GSAP: variants seen among roughly 807,000 people sequenced by gnomAD.
GSAP encodes gamma-secretase activating protein.
Under a neutral mutation model 131.7 loss-of-function variants are expected in GSAP, and 118 were observed. The observed-to-expected ratio is 0.90, with a 90% CI of 0.77 to 1.04. The LOEUF is 1.04. Among genes scored for constraint, GSAP ranks in the 50% least tolerant of loss-of-function variants. GSAP has a pLI of 0.00. For synonymous variants in GSAP, 381 were observed against 363.4 expected, an observed-to-expected ratio of 1.05 and a Z score of -0.55; for missense variants, 1,019 against 1,013.2, an observed-to-expected ratio of 1.01 and a Z score of -0.08.
intron 5 of GSAP, 60 bp from the exon 6 acceptor site, chr7:77,387,508 A>C: frequency 1.1e-6 from 1 of 910,614 alleles, no homozygotes; most frequent in South Asian, 1.3e-5. Flanking sequence ...TATTTTTTCC[A>C]AAGCAAGGAG....
At chr7:77,406,760 G>A (rs1802338208) in intron 1 of GSAP, among the ~76,000 whole-genome samples, 1 of 152,174 alleles carries the variant, frequency 6.6e-6, no homozygotes, top group South Asian at 2.1e-4. Flanking sequence ...CTTCACTATC[G>A]AGGGACCCTC....
At chr7:77,333,604 T>C (rs773633783) in intron 19 of GSAP, among the ~76,000 whole-genome samples, 1 of 152,170 alleles carries the variant, frequency 6.6e-6, no homozygotes, top group Non-Finnish European at 1.5e-5. Flanking sequence ...AACACTTTAC[T>C]CAGTCTATAC....
intron 26 of GSAP, chr7:77,315,569 C>T (rs1794880228): frequency 6.6e-6 from 1 of 152,134 alleles, no homozygotes; most frequent in Non-Finnish European, 1.5e-5. Flanking sequence ...CCAAGATTCA[C>T]AGGAGCTAGG....
At chr7:77,360,158 C>T (rs1427785409) in intron 14 of GSAP, among the ~76,000 whole-genome samples, 2 of 152,206 alleles carry the variant, frequency 1.3e-5, no homozygotes, top group African/African-American at 4.8e-5. Flanking sequence ...AAACCTGAAA[C>T]TCCTTTTTTA....
chr7:77,375,154 T>C (rs1461285811), intron 10 of GSAP, 53 bp from the exon 11 acceptor site: 2 of 1,060,482 alleles, frequency 1.9e-6, no homozygotes, highest in Admixed American at 2.1e-5. Flanking sequence ...GTGATGACAG[T>C]TCTGAAAACC....
At chr7:77,373,004 A>T (rs1381808166) in intron 12 of GSAP, among the ~76,000 whole-genome samples, 1 of 152,160 alleles carries the variant, frequency 6.6e-6, no homozygotes, top group Non-Finnish European at 1.5e-5. Flanking sequence ...GAAAAAGAGG[A>T]ATGGATTATG....
At chr7:77,339,403 C>T (rs1297570534) in intron 19 of GSAP, among the ~76,000 whole-genome samples, 1 of 152,170 alleles carries the variant, frequency 6.6e-6, no homozygotes, top group African/African-American at 2.4e-5. Context: ...AAACCCAGTA[C>T]TATCTTCTCC....
chr7:77,311,352 T>G lies in GSAP; in HGVS notation c.*6A>C. ...GGCAGCAGCAGATCCAATTGCGTTTTCTTTTTCATAAGCCTAAAAGCATCG... is the reference window on the plus strand; with the variant it reads ...GGCAGCAGCAGATCCAATTGCGTTTGCTTTTTCATAAGCCTAAAAGCATCG... On this transcript the variant is annotated 3_prime_UTR_variant, in exon 31 of 31. Transcript: ENST00000257626. The G allele has an allele frequency of 6.4e-7, 1 of 1,571,068 alleles. No homozygotes were observed.
At chr7:77,353,172 A>T in intron 17 of GSAP, 146 bp from the exon 18 acceptor site, 1 of 600,242 alleles carries the variant, frequency 1.7e-6, no homozygotes, top group Non-Finnish European at 3.0e-6. Context: ...TCATGATTTT[A>T]TCTACTGACT....
At chr7:77,337,289 G>A (rs993009788) in intron 19 of GSAP, among the ~76,000 whole-genome samples, 6 of 147,404 alleles carry the variant, frequency 4.1e-5, no homozygotes, top group Non-Finnish European at 9.0e-5. Context: ...AGTAACGGGG[G>A]CGGGGGTGGG....
intron 12 of GSAP, among the ~76,000 whole-genome samples, chr7:77,371,453 A>G (rs1240817820): frequency 8.1e-6 from 1 of 123,562 alleles, no homozygotes; most frequent in Non-Finnish European, 1.7e-5. Context: ...TTTTTTTTTT[A>G]AGACAGAGTC....
chr7:77,358,178 A>C (rs943715410), intron 14 of GSAP, among the ~76,000 whole-genome samples: 3 of 152,136 alleles, frequency 2.0e-5, no homozygotes, highest in Non-Finnish European at 4.4e-5. Flanking sequence ...CCATCTCTAC[A>C]AAAAATATAA....
chr7:77,353,821 G>C (rs1738326620), intron 16 of GSAP, 180 bp from the exon 17 acceptor site: 1 of 478,870 alleles, frequency 2.1e-6, no homozygotes, highest in Non-Finnish European at 3.7e-6. Context: ...AGGTAAAACG[G>C]TATTTTATAA....
intron 23 of GSAP, among the ~76,000 whole-genome samples, chr7:77,324,951 G>T (rs914128024): frequency 4.6e-4 from 70 of 150,878 alleles, no homozygotes; most frequent in African/African-American, 1.6e-3. Flanking sequence ...CAGTAGCCGA[G>T]ATTACAGGCA....
intron 1 of GSAP, among the ~76,000 whole-genome samples, chr7:77,410,616 A>G (rs1803097294): frequency 6.6e-6 from 1 of 152,250 alleles, no homozygotes; most frequent in Non-Finnish European, 1.5e-5. Flanking sequence ...GATATTGGCA[A>G]GGCATAGCTC....
At chr7:77,366,501 C>A (rs988911390) in intron 12 of GSAP, among the ~76,000 whole-genome samples, 6 of 152,062 alleles carry the variant, frequency 3.9e-5, no homozygotes, top group African/African-American at 1.4e-4. Flanking sequence ...AGTCTTTTCC[C>A]CATTGCTTTT....
At chr7:77,346,290 A>AAAAAG (rs1791848826) in intron 19 of GSAP, among the ~76,000 whole-genome samples, 1 of 147,136 alleles carries the variant, frequency 6.8e-6, no homozygotes, top group East Asian at 2.0e-4. Context: ...AAAAAAAAAA[A>AAAAAG]GAAAGAAAGA....
rs200553114 is a variant in GSAP at position 77,349,368 on chromosome 7, C to A, written c.1528G>T (p.Ala510Ser). The change falls in exon 19 of 31, where the codon GCA (alanine) becomes TCA (serine). Residue 510 changes from alanine (A) to serine (S), a missense_variant. Transcript: ENST00000257626. ...PGITLVTEDI[A>S]LPLMKVLSFK... is the part of the protein sequence containing the mutation. ...GGACCTACCTTCATAAGAGGCAATG[C>A]AATGTCTTCTGTCACAAGAGTTATT... 1 of 1,612,442 alleles carries A rather than the reference C, an allele frequency of 6.2e-7. No individual in the cohort carries two copies. Among genetic ancestry groups the A allele is most frequent in the Non-Finnish European group, 8.5e-7 (1 of 1,178,650 alleles).
At chr7:77,415,341 C>T (rs888169021) in intron 1 of GSAP, among the ~76,000 whole-genome samples, 2 of 152,258 alleles carry the variant, frequency 1.3e-5, no homozygotes, top group African/African-American at 4.8e-5. Context: ...CAGCGCCCTA[C>T]ACACAAGGTG....
Sources: gnomAD v4.1 joint callset for allele counts (sites outside exome capture counted in the v4.1 genomes callset) on GRCh38, gnomAD v4.1.1 for gene constraint, MANE v1.5 for transcripts, NCBI Gene and HGNC (gene_info 2026-07-23, HGNC 2026-07-21) for gene names.